Variants in NHSL2 observed in about 807,000 individuals in gnomAD.
NHSL2 encodes NHS-like protein 2.
Under a neutral mutation model 53.4 loss-of-function variants are expected in NHSL2, and 27 were observed. The observed-to-expected ratio is 0.51, with a 90% CI of 0.37 to 0.70. NHSL2 has a LOEUF of 0.70. Among genes scored for constraint, NHSL2 ranks in the 30% least tolerant of loss-of-function variants. NHSL2 has a pLI of 0.00. For synonymous variants in NHSL2, 408 were observed against 404.1 expected, an observed-to-expected ratio of 1.01 and a Z score of -0.12; for missense variants, 892 against 980.1, an observed-to-expected ratio of 0.91 and a Z score of 1.20.
At chrX:71,912,472 G>T (rs777934947) in intron 1 of NHSL2, among the ~76,000 whole-genome samples, 7 of 112,474 alleles carry the variant, frequency 6.2e-5, no homozygotes, top group East Asian at 5.6e-4. Flanking sequence ...CAAGCTTCCA[G>T]CTAACTTGGG....
At chrX:72,116,847 C>G (rs1408779307) in intron 1 of NHSL2, among the ~76,000 whole-genome samples, 2 of 111,793 alleles carry the variant, frequency 1.8e-5, no homozygotes, top group Non-Finnish European at 3.8e-5. Flanking sequence ...AGCTAAGAAC[C>G]AGGGTGGTCT....
rs56994832 is a variant in NHSL2 at position 72,148,820 on chromosome X, AAGAG to A, written c.*5259_*5262del. The A allele has an allele frequency of 3.6e-3, 302 of 83,365 alleles. No individual in the cohort carries two copies. Among genetic ancestry groups the A allele is most frequent in the Middle Eastern group, 0.013 (2 of 152 alleles). 6.9% of individuals were successfully genotyped at this position (83,365 alleles called of 1,213,427 possible). On this transcript the variant is annotated 3_prime_UTR_variant, in exon 8 of 8. Transcript: ENST00000633930. Reference sequence around the variant, plus strand: ...ACAGCAGCATCCCTGGAGAGGGAGAAAGAGAGAGAGAGAGAGTGTATGTGTGTGT... The same window carrying A: ...ACAGCAGCATCCCTGGAGAGGGAGAAAGAGAGAGAGAGTGTATGTGTGTGT...
chrX:72,087,711 A>C (rs1219365040), intron 1 of NHSL2, among the ~76,000 whole-genome samples: 1 of 110,408 alleles, frequency 9.1e-6, no homozygotes, highest in Non-Finnish European at 1.9e-5. Flanking sequence ...CTCTACTAAA[A>C]ATACAAAAAA....
rs777972098 is a variant in NHSL2 at position 72,015,163 on chromosome X, A to G, written c.280+103796A>G. ...AACAAAAATCCAGGGAACTCACCACATGCCGTTCCTTGAGTCCTGAGGTCT... is the reference window on the plus strand; with the variant it reads ...AACAAAAATCCAGGGAACTCACCACGTGCCGTTCCTTGAGTCCTGAGGTCT... On this transcript the variant is annotated intron_variant, in intron 1 of 7. Coordinates refer to ENST00000633930, the MANE Select transcript of NHSL2 (RefSeq NM_001013627.3). Among the ~76,000 whole-genome samples, 3 of 111,312 alleles carry G rather than the reference A, an allele frequency of 2.7e-5. No homozygotes were observed. In the South Asian group the frequency reaches 1.2e-3, roughly 43 times the overall value.
intron 1 of NHSL2, among the ~76,000 whole-genome samples, chrX:71,981,536 CAAAAAA>C (rs140961615): frequency 4.5e-5 from 3 of 66,643 alleles, no homozygotes; most frequent in African/African-American, 1.9e-4. Context: ...GACTCTGTCT[CAAAAAA>C]AAAAAAAAAA....
intron 5 of NHSL2, among the ~76,000 whole-genome samples, chrX:72,138,215 A>G: frequency 8.9e-6 from 1 of 112,043 alleles, no homozygotes; most frequent in Non-Finnish European, 1.9e-5. Flanking sequence ...GCTGGAAAGT[A>G]TTTGGCAGCC....
intron 1 of NHSL2, among the ~76,000 whole-genome samples, chrX:72,086,258 G>C (rs944730244): frequency 8.9e-5 from 10 of 111,898 alleles, no homozygotes; most frequent in African/African-American, 3.3e-4. Flanking sequence ...TTTCTCTTTG[G>C]ATCTACCAAA....
chrX:72,101,444 C>A (rs1249610887), intron 1 of NHSL2, among the ~76,000 whole-genome samples: 1 of 110,357 alleles, frequency 9.1e-6, no homozygotes, highest in Admixed American at 9.6e-5. Context: ...GGCTTGGGTG[C>A]TCGGCCCCTG....
chrX:71,976,868 T>C (rs989606125), intron 1 of NHSL2, among the ~76,000 whole-genome samples: 5 of 112,548 alleles, frequency 4.4e-5, no homozygotes, highest in African/African-American at 1.6e-4. Flanking sequence ...CCACAGAGCA[T>C]TGTTTTTTCT....
intron 1 of NHSL2, among the ~76,000 whole-genome samples, chrX:71,921,279 G>A (rs1214912867): frequency 9.3e-6 from 1 of 107,853 alleles, no homozygotes; most frequent in African/African-American, 3.4e-5. Flanking sequence ...AATTAGCCGG[G>A]TGTGGTTGCG....
At chrX:72,120,249 T>C (rs1461792509) in intron 1 of NHSL2, among the ~76,000 whole-genome samples, 1 of 112,405 alleles carries the variant, frequency 8.9e-6, no homozygotes, top group Non-Finnish European at 1.9e-5. Flanking sequence ...CTCCTCTATA[T>C]AGCTTGTGAA....
chrX:72,043,937 A>G (rs1214837647), intron 1 of NHSL2, among the ~76,000 whole-genome samples: 1 of 111,820 alleles, frequency 8.9e-6, no homozygotes, highest in Admixed American at 9.5e-5. Flanking sequence ...GTTCTGCCAA[A>G]GTTTATTGGA....
chrX:72,041,306 G>A (rs766899152), intron 1 of NHSL2, among the ~76,000 whole-genome samples: 63 of 111,582 alleles, frequency 5.6e-4, no homozygotes, highest in African/African-American at 1.8e-3. Flanking sequence ...GTGGCCCTCC[G>A]TGCTCAGAGT....
At chrX:71,954,701 G>A (rs2041835179) in intron 1 of NHSL2, among the ~76,000 whole-genome samples, 1 of 111,744 alleles carries the variant, frequency 8.9e-6, no homozygotes, top group South Asian at 3.8e-4. Context: ...GAGCTGAAAA[G>A]CAAGCTGCTC....
intron 1 of NHSL2, 125 bp from the exon 2 acceptor site, chrX:72,131,954 G>A (rs2042307559): frequency 3.2e-6 from 2 of 628,991 alleles, no homozygotes; most frequent in African/African-American, 2.3e-5. Context: ...CCTTTTAAGC[G>A]CAGCCTCGCA....
intron 1 of NHSL2, among the ~76,000 whole-genome samples, chrX:71,977,175 T>C (rs2041952096): frequency 9.0e-6 from 1 of 111,701 alleles, no homozygotes. Flanking sequence ...AACAGAATTC[T>C]CAGGTTCAAA....
intron 1 of NHSL2, among the ~76,000 whole-genome samples, chrX:72,123,484 A>G (rs1470408041): frequency 2.7e-5 from 3 of 110,985 alleles, no homozygotes; most frequent in Non-Finnish European, 5.7e-5. Context: ...ACAGGTAGAG[A>G]CTAGAGCCTG....
intron 1 of NHSL2, among the ~76,000 whole-genome samples, chrX:71,926,324 T>C (rs1273130092): frequency 1.8e-5 from 2 of 112,225 alleles, no homozygotes; most frequent in African/African-American, 6.5e-5. Flanking sequence ...GTGGTGGAGA[T>C]ACAGGAGTGA....
At position 72,147,739 on chromosome X, in the gene NHSL2, A is replaced by G. The variant is rs1389965858; in HGVS notation, c.*4165A>G. On this transcript the variant is annotated 3_prime_UTR_variant, in exon 8 of 8. Transcript: ENST00000633930. ...TCCTAAACCTTGCTTCCCAGCACCA[A>G]CTCTCTTCAGTGCCTCCTACTTCCT... is the stretch of plus-strand genomic sequence containing the variant. The G allele has an allele frequency of 1.8e-5, 2 of 111,060 alleles. No individual in the cohort carries two copies. The highest frequency in any genetic ancestry group is 3.8e-5 in the Non-Finnish European group (2 of 52,994). The allele number at this position is 111,060 out of a possible 1,213,427, so 9.2% of individuals were successfully genotyped here.
Sources: gnomAD v4.1 joint callset for allele counts (sites outside exome capture counted in the v4.1 genomes callset) on GRCh38, gnomAD v4.1.1 for gene constraint, MANE v1.5 for transcripts, NCBI Gene and HGNC (gene_info 2026-07-23, HGNC 2026-07-21) for gene names.